The following CDK12 variants were observed in gnomAD, a reference collection of about 807,000 sequenced individuals.
CDK12 encodes the protein cyclin dependent kinase 12, also known as cyclin-dependent kinase 12.
CDK12 carries 17 observed loss-of-function variants against 133.8 expected under a neutral mutation model. That is an observed-to-expected ratio of 0.13 (90% CI 0.09 to 0.19). CDK12 has a LOEUF of 0.19. Ranked by LOEUF, CDK12 falls within the 10% of genes least tolerant of loss-of-function variation. CDK12 has a pLI of 1.00. For missense variants in CDK12, 1,508 were observed against 1,818.7 expected (o/e 0.83, Z 3.11); for synonymous variants, 694 against 683.6 (o/e 1.02, Z -0.24).
chr17:39,519,925 G>C lies in CDK12; in HGVS notation c.2964-31G>C, dbSNP rs745717685. The C allele has an allele frequency of 6.2e-6, 10 of 1,612,880 alleles. No individual in the cohort carries two copies. In the South Asian group the frequency reaches 1.1e-4, roughly 18 times the overall value. Reference sequence around the variant, plus strand: ...AATTTGAGAACTGTAGGGTCATTGTGAACTTGTCCTTTCTGTGTTCTTTTC... The same window carrying C: ...AATTTGAGAACTGTAGGGTCATTGTCAACTTGTCCTTTCTGTGTTCTTTTC... On this transcript the variant is annotated intron_variant, in intron 10 of 13. Transcript: ENST00000447079.
At chr17:39,498,446 C>T (rs921571596) in intron 5 of CDK12, among the ~76,000 whole-genome samples, 1 of 152,132 alleles carries the variant, frequency 6.6e-6, no homozygotes, top group Non-Finnish European at 1.5e-5. Context: ...TGGTTTCAAA[C>T]TCCTGACCTC....
At chr17:39,466,421 C>T (rs144516165) in intron 1 of CDK12, among the ~76,000 whole-genome samples, 5,013 of 150,682 alleles carry the variant, frequency 0.033, 131 homozygotes, top group Non-Finnish European at 0.052. Flanking sequence ...TCGAGACCAG[C>T]CTGACCAACA....
chr17:39,463,153 G>T (rs1445558947), intron 1 of CDK12, 36 bp downstream of exon 1: 1 of 1,574,804 alleles, frequency 6.3e-7, no homozygotes, highest in African/African-American at 1.4e-5. Context: ...CCTCATTTAG[G>T]GTGGGTTGCG....
At chr17:39,466,163 C>G (rs1410167101) in intron 1 of CDK12, among the ~76,000 whole-genome samples, 6 of 151,430 alleles carry the variant, frequency 4.0e-5, no homozygotes, top group Non-Finnish European at 7.4e-5. Context: ...CAAAAATTAG[C>G]CAGGCGTGGT....
rs755658525 is a variant in CDK12 at position 39,532,168 on chromosome 17, TTCTC to T, written c.*858_*861del. 6.3e-5 allele frequency: 14 copies of T among 221,050 alleles called. No individual in the cohort carries two copies. Among genetic ancestry groups the T allele is most frequent in the South Asian group, 1.9e-4 (1 of 5,396 alleles). The allele number at this position is 221,050 out of a possible 1,614,324, so 13.7% of individuals were successfully genotyped here. A position where few individuals can be genotyped will look rare whatever the true frequency, so the allele number is the denominator to read the frequency against. On this transcript the variant is annotated 3_prime_UTR_variant, in exon 14 of 14. Transcript: ENST00000447079. ...TGTCTCGCTTGCTCGCTCTCGCTGTTTCTCTCTCTTTGAGGCATTTGTTTGGAAA... is the reference window on the plus strand; with the variant it reads ...TGTCTCGCTTGCTCGCTCTCGCTGTTTCTCTTTGAGGCATTTGTTTGGAAA...
intron 8 of CDK12, among the ~76,000 whole-genome samples, chr17:39,514,286 C>T (rs1201871252): frequency 1.3e-5 from 2 of 152,030 alleles, no homozygotes; most frequent in South Asian, 2.1e-4. Flanking sequence ...TAACATAATT[C>T]GTTTAAAGGT....
At chr17:39,540,328 A>G (rs954321106) in intron 1 of CDK12, among the ~76,000 whole-genome samples, 9 of 152,170 alleles carry the variant, frequency 5.9e-5, no homozygotes, top group African/African-American at 2.2e-4. Flanking sequence ...TTATTAACCA[A>G]TTGATAGGAT....
At chr17:39,535,288 G>C (rs1430080255), downstream of CDK12, 1 of 152,222 alleles carries the variant, frequency 6.6e-6, no homozygotes, top group Non-Finnish European at 1.5e-5. Context: ...TGTAAATGGG[G>C]TGAGCAAGTC....
rs138641447 is a variant in CDK12, at chr17:39,476,111, T to G, written c.1931+4348T>G. On this transcript the variant is annotated intron_variant, in intron 2 of 13. Transcript: ENST00000447079. The stretch of plus-strand genomic sequence containing the variant: ...AAAAATGTTTAGGAAACAAAAAGCA[T>G]CTTGATGATTTTTTTCTTTTTTGAG... Among the ~76,000 whole-genome samples the G allele has an allele frequency of 2.7e-3, 413 of 151,588 alleles. 1 individual carries two copies. The highest frequency in any genetic ancestry group is 9.3e-3 in the African/African-American group (385 of 41,360).
At chr17:39,538,987 A>G (rs890048724), downstream of CDK12, among the ~76,000 whole-genome samples, 1 of 152,206 alleles carries the variant, frequency 6.6e-6, no homozygotes, top group Non-Finnish European at 1.5e-5. Flanking sequence ...TGTAGGAGAT[A>G]AAAGGGAGTG....
intron 11 of CDK12, among the ~76,000 whole-genome samples, chr17:39,523,835 G>T (rs1567779376): frequency 6.6e-6 from 1 of 152,030 alleles, no homozygotes; most frequent in Non-Finnish European, 1.5e-5. Context: ...TGTATTTTTA[G>T]CAGAGACCAG....
Position 39,555,011 on chromosome 17 carries a change from A to G in CDK12, n.357-1275A>G, listed in dbSNP as rs147764049. ...ATGCCTGTAATCCCAGCACTTTGGGAGGCCGACGCAGGCGGATCACAAGGT... is the reference window on the plus strand; with the variant it reads ...ATGCCTGTAATCCCAGCACTTTGGGGGGCCGACGCAGGCGGATCACAAGGT... On this transcript the variant is annotated intron_variant and non_coding_transcript_variant, in intron 2 of 3. Transcript: ENST00000558240. 4.7e-3 allele frequency among the ~76,000 whole-genome samples: 711 copies of G among 152,164 alleles called. 9 individuals are homozygous for G. Among genetic ancestry groups the G allele is most frequent in the African/African-American group, 0.016 (668 of 41,502 alleles).
At position 39,518,739 on chromosome 17, in the gene CDK12, A is replaced by C. The variant is rs868574692; in HGVS notation, c.2963+1183A>C. Among the ~76,000 whole-genome samples, 43 of 151,580 alleles carry C rather than the reference A, an allele frequency of 2.8e-4. 1 individual carries two copies. Among genetic ancestry groups the C allele is most frequent in the African/African-American group, 9.4e-4 (39 of 41,324 alleles). Reference sequence around the variant, plus strand: ...ATGCACAGTTAATTTTTGTATTTTTAGTAGAGATGGCATTTCACCATGTTG... The same window carrying C: ...ATGCACAGTTAATTTTTGTATTTTTCGTAGAGATGGCATTTCACCATGTTG... On this transcript the variant is annotated intron_variant, in intron 10 of 13. Coordinates refer to ENST00000447079, the MANE Select transcript of CDK12 (RefSeq NM_016507.4).
At chr17:39,465,121 C>T (rs2049204970) in intron 1 of CDK12, among the ~76,000 whole-genome samples, 1 of 151,862 alleles carries the variant, frequency 6.6e-6, no homozygotes, top group South Asian at 2.1e-4. Context: ...TGGCGTGCGC[C>T]TGTAGTCCCA....
chr17:39,550,032 C>G (rs1001870738), upstream of CDK12: 2 of 152,058 alleles, frequency 1.3e-5, no homozygotes, highest in Non-Finnish European at 2.9e-5. Flanking sequence ...CTCTCTCTCT[C>G]AGCTCAAAGC....
chr17:39,467,348 A>C (rs930001836), intron 1 of CDK12, among the ~76,000 whole-genome samples: 1 of 152,192 alleles, frequency 6.6e-6, no homozygotes, highest in Non-Finnish European at 1.5e-5. Flanking sequence ...CTAGATTAGC[A>C]ATGATTAATA....
intron 5 of CDK12, 56 bp downstream of exon 5, chr17:39,494,750 T>C (rs1216825928): frequency 9.1e-6 from 7 of 771,678 alleles, no homozygotes; most frequent in Admixed American, 3.9e-5. Flanking sequence ...TTTGCCTTTC[T>C]TTTTTTTTTT....
rs2054813275 is a variant in CDK12 at position 39,531,089 on chromosome 17, G to C, written c.4246G>C (p.Val1416Leu). The change falls in exon 14 of 14, where the codon GTC becomes CTC. Residue 1416 changes from valine to leucine, a missense_variant. Physicochemically the swap from Val to Leu is conservative, Grantham distance 32. Around this residue, in one of 9 missense-constraint regions of CDK12, gnomAD observed 114 missense variants for 101.2 expected, o/e 1.13. Transcript: ENST00000447079. ...GGTCCCCTTAGCGTTACACCCGGTG[G>C]TCGGGCAACCATTCCTGAAGGCTGA... ...ARVPLALHPV[V>L]GQPFLKAEGS... The C allele has an allele frequency of 1.3e-6, 2 of 1,595,564 alleles. No homozygotes were observed. The highest frequency in any genetic ancestry group is 1.3e-5 in the African/African-American group (1 of 74,102).
intron 10 of CDK12, 114 bp from the exon 11 acceptor site, chr17:39,519,842 C>T (rs1490989803): frequency 1.7e-6 from 2 of 1,203,438 alleles, no homozygotes; most frequent in Non-Finnish European, 2.4e-6. Context: ...CGCAGTCCTA[C>T]CTTGGCCTCC....
Sources: gnomAD v4.1 joint callset for allele counts (sites outside exome capture counted in the v4.1 genomes callset) on GRCh38, gnomAD v4.1.1 for gene constraint, gnomAD v4.1.1 regional missense constraint, MANE v1.5 for transcripts, NCBI Gene and HGNC (gene_info 2026-07-23, HGNC 2026-07-21) for gene names.